Variants in PAPSS2 observed in about 807,000 individuals in gnomAD.
PAPSS2 encodes the protein bifunctional 3'-phosphoadenosine 5'-phosphosulfate synthase 2.
PAPSS2 carries 61 observed loss-of-function variants against 66.5 expected under a neutral mutation model. The ratio of observed to expected loss-of-function variants is 0.92; its 90% CI spans 0.75 to 1.14. The LOEUF (loss-of-function observed/expected upper bound fraction) is 1.14. PAPSS2 is among the 50% of genes most tolerant of loss of function. The probability of loss-of-function intolerance (pLI) is 0.00; values close to 1 mark genes in which losing one functional copy is unlikely to be tolerated. For synonymous variants in PAPSS2, 289 were observed against 287.5 expected, an observed-to-expected ratio of 1.01 and a Z score of -0.05; for missense variants, 708 against 789.6, an observed-to-expected ratio of 0.90 and a Z score of 1.24.
chr10:87,689,397 G>A (rs1007397672), intron 1 of PAPSS2, among the ~76,000 whole-genome samples: 13 of 150,978 alleles, frequency 8.6e-5, no homozygotes, highest in Non-Finnish European at 1.8e-4. Flanking sequence ...GGGGACAGGC[G>A]CAGTGGCCCA....
At chr10:87,671,023 T>C (rs1852870848) in intron 1 of PAPSS2, among the ~76,000 whole-genome samples, 1 of 152,208 alleles carries the variant, frequency 6.6e-6, no homozygotes, top group Non-Finnish European at 1.5e-5. Context: ...ATCCATACAG[T>C]ATCCCATCTC....
rs749640781 is a variant in PAPSS2 at position 87,746,011 on chromosome 10, T to A, written c.*41T>A. The A allele has an allele frequency of 6.3e-7, 1 of 1,590,708 alleles. No homozygotes were observed. The highest frequency in any genetic ancestry group is 1.7e-5 in the Admixed American group (1 of 59,892). On this transcript the variant is annotated 3_prime_UTR_variant, in exon 13 of 13. Transcript: ENST00000456849. The stretch of plus-strand genomic sequence containing the variant: ...GTTTCTTTCTGAAGTGCTCTTTGAT[T>A]ACCTTTTCTATTTTTATGATTAGAT...
At chr10:87,715,306 G>T (rs184419483) in intron 6 of PAPSS2, among the ~76,000 whole-genome samples, 113 of 152,276 alleles carry the variant, frequency 7.4e-4, no homozygotes, top group Middle Eastern at 6.8e-3. Flanking sequence ...TCAATGCCAT[G>T]TATGGAGGTG....
At position 87,659,902 on chromosome 10, in the gene PAPSS2, T is replaced by TGCTGCTGCCGCC. The variant is rs1384729745; in HGVS notation, c.-75_-74insTGCCGCCGCTGC. 3 of 1,446,574 alleles carry TGCTGCTGCCGCC rather than the reference T, an allele frequency of 2.1e-6. No individual in the cohort carries two copies. Among genetic ancestry groups the TGCTGCTGCCGCC allele is most frequent in the African/African-American group, 2.8e-5 (2 of 71,424 alleles). The allele number at this position is 1,446,574 out of a possible 1,614,324, so 89.6% of individuals were successfully genotyped here. A position where few individuals can be genotyped will look rare whatever the true frequency, so the allele number is the denominator to read the frequency against. On this transcript the variant is annotated 5_prime_UTR_variant, in exon 1 of 13. Transcript: ENST00000456849. ...CAGCCGCTGCTGCTGCTGCTGCTGC[T>TGCTGCTGCCGCC]GCTGCCGCCGCCGCCGCCGCCGTCC... is the stretch of plus-strand genomic sequence containing the variant.
intron 1 of PAPSS2, among the ~76,000 whole-genome samples, chr10:87,675,212 T>C (rs1852929975): frequency 6.6e-6 from 1 of 152,264 alleles, no homozygotes; most frequent in Non-Finnish European, 1.5e-5. Flanking sequence ...TAGTATTACC[T>C]CTTTCTTCTA....
chr10:87,659,878 A>AGCCGCT lies in PAPSS2; in HGVS notation c.-101_-96dup, dbSNP rs1378820560. 2 of 1,004,912 alleles carry AGCCGCT rather than the reference A, an allele frequency of 2.0e-6. No homozygotes were observed. Among genetic ancestry groups the AGCCGCT allele is most frequent in the Non-Finnish European group, 3.0e-6 (2 of 661,322 alleles). The allele number at this position is 1,004,912 out of a possible 1,614,324, so 62.2% of individuals were successfully genotyped here. A position where few individuals can be genotyped will look rare whatever the true frequency, so the allele number is the denominator to read the frequency against. On this transcript the variant is annotated 5_prime_UTR_variant, in exon 1 of 13. Coordinates refer to ENST00000456849, the MANE Select transcript of PAPSS2 (RefSeq NM_001015880.2). Reference sequence around the variant, plus strand: ...TATACCTCCTTCCCGGGAGTCCGGCAGCCGCTGCTGCTGCTGCTGCTGCTG... The same window carrying AGCCGCT: ...TATACCTCCTTCCCGGGAGTCCGGCAGCCGCTGCCGCTGCTGCTGCTGCTGCTGCTG...
At chr10:87,684,453 C>T (rs1853062852) in intron 1 of PAPSS2, among the ~76,000 whole-genome samples, 1 of 152,222 alleles carries the variant, frequency 6.6e-6, no homozygotes, top group Non-Finnish European at 1.5e-5. Context: ...GTGCTGATGA[C>T]AAGTTCAGTT....
rs1454523578 is a variant in PAPSS2, at chr10:87,721,834, A to G, written c.880+64A>G. 5.3e-6 allele frequency: 5 copies of G among 951,066 alleles called. No homozygotes were observed. The East Asian group carries it at 1.3e-4, about 25-fold the overall frequency. 58.9% of individuals were successfully genotyped at this position (951,066 alleles called of 1,614,324 possible). The stretch of plus-strand genomic sequence containing the variant: ...ATTATATATGTTAAATTAACTGGAA[A>G]TGGTTAAGAACATAACTAAAAGAAA... On this transcript the variant is annotated intron_variant, in intron 8 of 12. Transcript: ENST00000456849.
rs186350165 is a variant in PAPSS2 at position 87,723,655 on chromosome 10, G to A, written c.880+1885G>A. 2.1e-3 allele frequency among the ~76,000 whole-genome samples: 286 copies of A among 137,474 alleles called. 3 individuals carry two copies. The highest frequency in any genetic ancestry group is 7.9e-3 in the African/African-American group (273 of 34,664). The allele number at this position is 137,474 out of a possible 152,430, so 90.2% of individuals were successfully genotyped here. A position where few individuals can be genotyped will look rare whatever the true frequency, so the allele number is the denominator to read the frequency against. On this transcript the variant is annotated intron_variant, in intron 8 of 12. Coordinates refer to ENST00000456849, the MANE Select transcript of PAPSS2 (RefSeq NM_001015880.2). ...ATATTGCAGGATTTTATGATAGACC[G>A]GATTTGTTTATTGCCGGCAGTTGCT...
chr10:87,701,506 T>G (rs1283639719), intron 1 of PAPSS2, among the ~76,000 whole-genome samples: 2 of 150,876 alleles, frequency 1.3e-5, no homozygotes, highest in African/African-American at 4.9e-5. Flanking sequence ...ACTGCACCCT[T>G]GACCTCCTGG....
At chr10:87,736,165 A>T (rs1255808395) in intron 9 of PAPSS2, among the ~76,000 whole-genome samples, 1 of 152,152 alleles carries the variant, frequency 6.6e-6, no homozygotes, top group East Asian at 1.9e-4. Flanking sequence ...ACTAGGAGAG[A>T]CACAGCTCTG....
chr10:87,679,715 C>T (rs1852994249), intron 1 of PAPSS2, among the ~76,000 whole-genome samples: 1 of 151,992 alleles, frequency 6.6e-6, no homozygotes, highest in Non-Finnish European at 1.5e-5. Context: ...TATAGAACTC[C>T]TATAAATCAA....
chr10:87,711,769 T>G lies in PAPSS2; in HGVS notation c.146-1306T>G, dbSNP rs552046940. Reference sequence around the variant, plus strand: ...CCCCCCACCCAAATCCTCCTTCCTCTGTCTGTCCTTCATTCCTGCTTTTTC... The same window carrying G: ...CCCCCCACCCAAATCCTCCTTCCTCGGTCTGTCCTTCATTCCTGCTTTTTC... On this transcript the variant is annotated intron_variant, in intron 2 of 12. Transcript: ENST00000456849. Among the ~76,000 whole-genome samples, 29 of 152,280 alleles carry G rather than the reference T, an allele frequency of 1.9e-4. No individual in the cohort carries two copies. In the South Asian group the frequency reaches 5.2e-3, roughly 27 times the overall value.
intron 1 of PAPSS2, among the ~76,000 whole-genome samples, chr10:87,671,949 A>AT (rs565504948): frequency 3.2e-4 from 49 of 152,198 alleles, no homozygotes; most frequent in Non-Finnish European, 5.0e-4. Flanking sequence ...TGGTATTGCC[A>AT]TAAGGGTAAT....
At chr10:87,740,034 C>T (rs1461863322) in intron 9 of PAPSS2, among the ~76,000 whole-genome samples, 1 of 152,058 alleles carries the variant, frequency 6.6e-6, no homozygotes, top group Non-Finnish European at 1.5e-5. Flanking sequence ...TATTTTTTTT[C>T]ATGGATCACC....
At chr10:87,732,921 A>T (rs1208231775) in intron 9 of PAPSS2, among the ~76,000 whole-genome samples, 1 of 152,216 alleles carries the variant, frequency 6.6e-6, no homozygotes, top group Non-Finnish European at 1.5e-5. Flanking sequence ...GGATAACCAG[A>T]GAGAGAAAGC....
At chr10:87,691,386 A>G (rs1032891188) in intron 1 of PAPSS2, among the ~76,000 whole-genome samples, 1 of 152,170 alleles carries the variant, frequency 6.6e-6, no homozygotes. Context: ...CATCTGGTGA[A>G]GAAGGCCGAC....
In PAPSS2 at chr10:87,746,108, TAA is replaced by T. The variant is rs141653988; in HGVS notation, c.*146_*147del. Reference sequence around the variant, plus strand: ...ATGAAGTAAAAGTTGTGTCTATAATTAAAAAAAAATATATATATATACACACA... The same window carrying T: ...ATGAAGTAAAAGTTGTGTCTATAATTAAAAAAATATATATATATACACACA... On this transcript the variant is annotated 3_prime_UTR_variant, in exon 13 of 13. Transcript: ENST00000456849. 2,178 of 616,462 alleles carry T rather than the reference TAA, an allele frequency of 3.5e-3. 4 individuals carry two copies. Among genetic ancestry groups the T allele is most frequent in the Middle Eastern group, 7.1e-3 (15 of 2,108 alleles). 38.2% of individuals were successfully genotyped at this position (616,462 alleles called of 1,614,324 possible).
intron 1 of PAPSS2, among the ~76,000 whole-genome samples, chr10:87,679,776 G>A (rs4934357): frequency 0.47 from 70,875 of 151,730 alleles, 16,712 homozygotes; most frequent in African/African-American, 0.5. Context: ...CTGTAATCCC[G>A]GCACTTCAGG....
Sources: allele counts gnomAD v4.1 joint callset (sites outside exome capture counted in the v4.1 genomes callset), GRCh38; gene constraint gnomAD v4.1.1; transcripts MANE v1.5; gene names NCBI Gene and HGNC (gene_info 2026-07-23, HGNC 2026-07-21).